Variants in PPP2R3B observed in about 807,000 individuals in gnomAD.
The protein encoded by PPP2R3B is protein phosphatase 2 regulatory subunit B''beta, also known as serine/threonine-protein phosphatase 2A regulatory subunit B'' subunit beta.
In PPP2R3B, 68 loss-of-function variants were observed where a neutral mutation model predicts 72.9. That is an observed-to-expected ratio of 0.93 (90% CI 0.77 to 1.14). The LOEUF (loss-of-function observed/expected upper bound fraction) is 1.14. Ranked by LOEUF, PPP2R3B falls within the 50% of genes most tolerant of loss-of-function variation. PPP2R3B has a pLI of 0.00. For missense variants in PPP2R3B, 1,018 were observed against 842.0 expected (o/e 1.21, Z -2.59); for synonymous variants, 466 against 375.8 (o/e 1.24, Z -2.78).
At chrX:353,144 C>T (rs1046148541) in intron 2 of PPP2R3B, among the ~76,000 whole-genome samples, 10 of 152,014 alleles carry the variant, frequency 6.6e-5, no homozygotes, top group Non-Finnish European at 8.8e-5. Context: ...GACGCCAAGG[C>T]GGGTGGATCA....
chrX:338,188 C>A (rs1847661748), intron 12 of PPP2R3B: 3 of 341,028 alleles, frequency 8.8e-6, no homozygotes, highest in Non-Finnish European at 1.7e-5. Context: ...AAGCAACCAG[C>A]CCAGGGCCTC....
chrX:352,425 C>T (rs1330808334), intron 2 of PPP2R3B, among the ~76,000 whole-genome samples: 2 of 151,826 alleles, frequency 1.3e-5, no homozygotes, highest in Admixed American at 1.3e-4. Flanking sequence ...TCCAGTTCAC[C>T]TTTTCCAGGA....
chrX:341,661 G>A, intron 8 of PPP2R3B: 1 of 654,416 alleles, frequency 1.5e-6, no homozygotes, highest in Middle Eastern at 4.2e-4. Flanking sequence ...CCCCGACCTG[G>A]GGCCTGGGCC....
At chrX:349,288 C>G (rs1444879683) in intron 2 of PPP2R3B, among the ~76,000 whole-genome samples, 3 of 150,568 alleles carry the variant, frequency 2.0e-5, no homozygotes, top group Non-Finnish European at 3.0e-5. Context: ...AACCAGGCAC[C>G]ACTCTGCCAC....
chrX:360,460 G>A (rs1366176204), intron 2 of PPP2R3B, among the ~76,000 whole-genome samples: 2 of 152,178 alleles, frequency 1.3e-5, no homozygotes, highest in Non-Finnish European at 2.9e-5. Context: ...CTTGAACCCA[G>A]AAGGTGGAGG....
intron 1 of PPP2R3B, among the ~76,000 whole-genome samples, chrX:375,682 C>A (rs2124381769): frequency 6.6e-6 from 1 of 152,374 alleles, no homozygotes; most frequent in South Asian, 2.1e-4. Context: ...CCAAACGCAG[C>A]TAGGGGAACC....
chrX:372,465 C>T (rs1367992448), intron 1 of PPP2R3B, among the ~76,000 whole-genome samples: 2 of 152,180 alleles, frequency 1.3e-5, no homozygotes, highest in East Asian at 1.9e-4. Flanking sequence ...GTGAGGCGCC[C>T]GCCACGCACA....
Position 334,507 on chromosome X carries a change from C to A in PPP2R3B, c.1588G>T (p.Glu530Ter). The A allele has an allele frequency of 6.5e-7, 1 of 1,547,888 alleles. No individual in the cohort carries two copies. The highest frequency in any genetic ancestry group is 8.7e-7 in the Non-Finnish European group (1 of 1,154,220). The part of the protein sequence containing the change: ...GEPWEDGFEA[E>*]LSPVEQKLSA... ...AGCTTCTGCTCCACAGGGCTGAGCT[C>A]GGCCTCGAACCTGCAACGAGGGGAT... Residue 530 changes from glutamate to a stop codon, truncating the protein, a stop_gained, in exon 13 of 13, where the codon GAG (glutamate) becomes TAG (stop). Transcript: ENST00000390665. LOFTEE classifies it high-confidence loss of function.
chrX:358,263 C>T (rs1156843274), intron 2 of PPP2R3B, among the ~76,000 whole-genome samples: 4 of 152,208 alleles, frequency 2.6e-5, no homozygotes, highest in Admixed American at 2.0e-4. Flanking sequence ...GCAGCCTTGG[C>T]GGGGAAGCTG....
chrX:339,004 G>A lies in PPP2R3B; in HGVS notation c.1352-108C>T, dbSNP rs2070977168. 6 of 892,720 alleles carry A rather than the reference G, an allele frequency of 6.7e-6. No homozygotes were observed. The South Asian group carries it at 8.2e-5, about 12-fold the overall frequency. The allele number at this position is 892,720 out of a possible 1,614,324, so 55.3% of individuals were successfully genotyped here. Reference sequence around the variant, plus strand: ...CACGTGCTTAAGGACGCGGCACGAAGCTCCGGGCTCTCACGCCACGTGTTT... The same window carrying A: ...CACGTGCTTAAGGACGCGGCACGAAACTCCGGGCTCTCACGCCACGTGTTT... On this transcript the variant is annotated intron_variant, in intron 10 of 12. Coordinates refer to ENST00000390665, the MANE Select transcript of PPP2R3B (RefSeq NM_013239.5).
chrX:360,861 G>A lies in PPP2R3B; in HGVS notation c.510+544C>T, dbSNP rs751410879. On this transcript the variant is annotated intron_variant, in intron 2 of 12. Coordinates refer to ENST00000390665, the MANE Select transcript of PPP2R3B (RefSeq NM_013239.5). ...GTGCTCCATCTGTGGGCGTCCAGGC[G>A]GTCAGCCTGGAGAGCATGCAGCTGA... Among the ~76,000 whole-genome samples the A allele has an allele frequency of 4.8e-3, 736 of 152,340 alleles. 5 individuals carry two copies. The highest frequency in any genetic ancestry group is 7.9e-3 in the Non-Finnish European group (540 of 68,032).
chrX:334,039 A>C lies in PPP2R3B; in HGVS notation c.*328T>G. 2 of 259,344 alleles carry C rather than the reference A, an allele frequency of 7.7e-6. No homozygotes were observed. The highest frequency in any genetic ancestry group is 7.3e-6 in the Non-Finnish European group (1 of 137,822). 16.1% of individuals were successfully genotyped at this position (259,344 alleles called of 1,614,324 possible). ...CCTGTCCAGGACTGAGGCGCCCGGG[A>C]GCCGCCGGTCACCGTTGTGCGCACA... is the stretch of plus-strand genomic sequence containing the variant. On this transcript the variant is annotated 3_prime_UTR_variant, in exon 13 of 13. Coordinates refer to ENST00000390665, the MANE Select transcript of PPP2R3B (RefSeq NM_013239.5).
chrX:384,723 G>A lies in PPP2R3B; in HGVS notation c.324+1645C>T, dbSNP rs182809478. Among the ~76,000 whole-genome samples the A allele has an allele frequency of 3.0e-4, 45 of 152,136 alleles. 1 individual carries two copies. In the East Asian group the frequency reaches 7.0e-3, roughly 24 times the overall value. On this transcript the variant is annotated intron_variant, in intron 1 of 12. Coordinates refer to ENST00000390665, the MANE Select transcript of PPP2R3B (RefSeq NM_013239.5). ...TTCCAGGCCAGGTGTGGTGGCTCAC[G>A]CCTGTCATCCCAGCACTTTGAGAGG...
chrX:360,519 G>C (rs952041051), intron 2 of PPP2R3B, among the ~76,000 whole-genome samples: 22 of 152,322 alleles, frequency 1.4e-4, no homozygotes, highest in Middle Eastern at 6.8e-3. Flanking sequence ...GGGTGACAGA[G>C]CAAGACTTTG....
Position 334,362 on chromosome X carries a change from C to G in PPP2R3B, c.*5G>C. On this transcript the variant is annotated 3_prime_UTR_variant, in exon 13 of 13. Coordinates refer to ENST00000390665, the MANE Select transcript of PPP2R3B (RefSeq NM_013239.5). ...GGCCCCGCGGCGGCGTTCTCGCGGG[C>G]GGCGTCACAGCGGCTCCAGGTCCTC... The G allele has an allele frequency of 6.7e-7, 1 of 1,491,370 alleles. No individual in the cohort carries two copies. Among genetic ancestry groups the G allele is most frequent in the African/African-American group, 1.5e-5 (1 of 68,178 alleles). The allele number at this position is 1,491,370 out of a possible 1,614,324, so 92.4% of individuals were successfully genotyped here. A position where few individuals can be genotyped will look rare whatever the true frequency, so the allele number is the denominator to read the frequency against.
intron 1 of PPP2R3B, among the ~76,000 whole-genome samples, chrX:383,228 G>C (rs2124426201): frequency 6.6e-6 from 1 of 152,240 alleles, no homozygotes; most frequent in South Asian, 2.1e-4. Context: ...TAGAACGCAA[G>C]GAGCTCACCT....
At chrX:350,857 G>C (rs770990095) in intron 2 of PPP2R3B, among the ~76,000 whole-genome samples, 1 of 152,320 alleles carries the variant, frequency 6.6e-6, no homozygotes, top group African/African-American at 2.4e-5. Flanking sequence ...ACACCAGTGG[G>C]AAGAGGGCCC....
chrX:352,737 G>A (rs2071356698), intron 2 of PPP2R3B, among the ~76,000 whole-genome samples: 1 of 151,888 alleles, frequency 6.6e-6, no homozygotes, highest in Admixed American at 6.6e-5. Context: ...GACACCAACC[G>A]ACAGGTGTGA....
chrX:363,482 AGCCCAGCATCCCACAATGCATCTCCCCG>A (rs2071596681), intron 1 of PPP2R3B, among the ~76,000 whole-genome samples: 2 of 2,726 alleles, frequency 7.3e-4, no homozygotes, highest in East Asian at 0.014. Context: ...CATCTCCCCG[AGCCCAGCATCCCACAATGCATCTCCCCG>A]AGCCCGCGAT....
Sources: allele counts gnomAD v4.1 joint callset (sites outside exome capture counted in the v4.1 genomes callset), GRCh38; gene constraint gnomAD v4.1.1; transcripts MANE v1.5; gene names NCBI Gene and HGNC (gene_info 2026-07-23, HGNC 2026-07-21).